Variants in ST3GAL3 observed in about 807,000 individuals in gnomAD.
ST3GAL3 encodes the protein ST3 beta-galactoside alpha-2,3-sialyltransferase 3.
Under a neutral mutation model 50.1 loss-of-function variants are expected in ST3GAL3, and 21 were observed. That is an observed-to-expected ratio of 0.42 (90% CI 0.30 to 0.60). The LOEUF (loss-of-function observed/expected upper bound fraction) is 0.60. Among genes scored for constraint, ST3GAL3 ranks in the 20% least tolerant of loss-of-function variants. The pLI is 0.19. For missense variants in ST3GAL3, 353 were observed against 489.4 expected (o/e 0.72, Z 2.63); for synonymous variants, 183 against 190.0 (o/e 0.96, Z 0.30).
chr1:43,841,359 C>G (rs1244033313), intron 5 of ST3GAL3: 1 of 152,282 alleles, frequency 6.6e-6, no homozygotes, highest in Admixed American at 6.5e-5. Context: ...CTGCAGCAGG[C>G]TTTTGCTTGG....
intron 2 of ST3GAL3, among the ~76,000 whole-genome samples, chr1:43,782,788 A>G (rs1354481213): frequency 6.6e-6 from 1 of 152,246 alleles, no homozygotes; most frequent in East Asian, 1.9e-4. Flanking sequence ...CAGTATGGCA[A>G]ATATGAACTT....
At chr1:43,877,707 G>A (rs2154253119) in intron 5 of ST3GAL3, among the ~76,000 whole-genome samples, 1 of 152,284 alleles carries the variant, frequency 6.6e-6, no homozygotes, top group Admixed American at 6.5e-5. Flanking sequence ...GAACCCTCCT[G>A]TAAACAGTCG....
intron 2 of ST3GAL3, among the ~76,000 whole-genome samples, chr1:43,791,769 CT>C (rs2058106630): frequency 6.6e-6 from 1 of 152,142 alleles, no homozygotes; most frequent in African/African-American, 2.4e-5. Flanking sequence ...CAGGAAGGAA[CT>C]TTTATTTTGC....
At chr1:43,851,533 A>C in intron 5 of ST3GAL3, 1 of 1,593,780 alleles carries the variant, frequency 6.3e-7, no homozygotes, top group Non-Finnish European at 8.6e-7. Flanking sequence ...TTGTTATTTA[A>C]GCAAGAGCCT....
At chr1:43,779,234 G>C (rs939065628) in intron 2 of ST3GAL3, among the ~76,000 whole-genome samples, 1 of 152,150 alleles carries the variant, frequency 6.6e-6, no homozygotes, top group Non-Finnish European at 1.5e-5. Context: ...GAGCCACTGC[G>C]CCCAGCTAGA....
At chr1:43,793,947 C>A (rs944645834) in intron 3 of ST3GAL3, among the ~76,000 whole-genome samples, 1 of 151,636 alleles carries the variant, frequency 6.6e-6, no homozygotes, top group Non-Finnish European at 1.5e-5. Flanking sequence ...AGTAAGGGCA[C>A]GGTGGCGTGT....
chr1:43,826,023 T>A (rs1198383733), intron 4 of ST3GAL3, among the ~76,000 whole-genome samples: 5 of 151,868 alleles, frequency 3.3e-5, no homozygotes, highest in Admixed American at 3.3e-4. Context: ...CCCAGCACTT[T>A]GGAAGGCTGA....
chr1:43,796,096 C>G (rs1266726876), intron 3 of ST3GAL3, among the ~76,000 whole-genome samples: 1 of 152,160 alleles, frequency 6.6e-6, no homozygotes, highest in African/African-American at 2.4e-5. Context: ...GGGAGAGTGC[C>G]AGCAGTAGGC....
intron 2 of ST3GAL3, among the ~76,000 whole-genome samples, chr1:43,744,271 A>G (rs1176515938): frequency 1.3e-5 from 2 of 151,784 alleles, no homozygotes; most frequent in African/African-American, 2.4e-5. Flanking sequence ...TTTTTTTTAG[A>G]CAGAATCTTG....
At chr1:43,816,347 T>A (rs1299607417) in intron 4 of ST3GAL3, among the ~76,000 whole-genome samples, 1 of 152,176 alleles carries the variant, frequency 6.6e-6, no homozygotes, top group Non-Finnish European at 1.5e-5. Context: ...TCCCAACTTT[T>A]ACACATTATG....
chr1:43,778,651 T>TC (rs1479607164), intron 2 of ST3GAL3, among the ~76,000 whole-genome samples: 8 of 142,714 alleles, frequency 5.6e-5, no homozygotes, highest in Non-Finnish European at 9.3e-5. Context: ...TTTCTTTTTT[T>TC]TTTTTTTTTT....
At chr1:43,809,380 G>C (rs1042540899) in intron 3 of ST3GAL3, among the ~76,000 whole-genome samples, 1 of 152,168 alleles carries the variant, frequency 6.6e-6, no homozygotes, top group African/African-American at 2.4e-5. Flanking sequence ...TGAACTAGAA[G>C]ATATAGCAAT....
chr1:43,930,281 C>A lies in ST3GAL3; in HGVS notation c.*60C>A. The A allele has an allele frequency of 6.6e-7, 1 of 1,513,640 alleles. No individual in the cohort carries two copies. The highest frequency in any genetic ancestry group is 9.2e-7 in the Non-Finnish European group (1 of 1,092,860). 93.8% of individuals were successfully genotyped at this position (1,513,640 alleles called of 1,614,324 possible). ...CCACCAGGAGCAGCAGCCAGCACCA[C>A]CTACACAGGAGTCTTCAGACCCAGA... is the stretch of plus-strand genomic sequence containing the variant. On this transcript the variant is annotated 3_prime_UTR_variant, in exon 12 of 12. Transcript: ENST00000347631.
intron 1 of ST3GAL3, among the ~76,000 whole-genome samples, chr1:43,725,192 T>G (rs1024984117): frequency 1.3e-5 from 2 of 152,132 alleles, no homozygotes; most frequent in African/African-American, 4.8e-5. Flanking sequence ...CATGCTTTTT[T>G]CTTTTTTCTT....
At chr1:43,787,530 C>A (rs2057496610) in intron 2 of ST3GAL3, among the ~76,000 whole-genome samples, 1 of 152,192 alleles carries the variant, frequency 6.6e-6, no homozygotes, top group African/African-American at 2.4e-5. Context: ...TAAAAACTTA[C>A]ACAAAACATG....
At chr1:43,736,453 C>T (rs368152566) in intron 2 of ST3GAL3, 73 bp downstream of exon 2, 26 of 1,613,366 alleles carry the variant, frequency 1.6e-5, no homozygotes, top group East Asian at 4.5e-5. Flanking sequence ...CGTGTGGCTG[C>T]GTCTCATATT....
At chr1:43,736,495 C>T (rs1361350056) in intron 2 of ST3GAL3, 115 bp downstream of exon 2, 1 of 1,589,788 alleles carries the variant, frequency 6.3e-7, no homozygotes. Flanking sequence ...GTAAACTGAA[C>T]ATTTCTGGGA....
intron 2 of ST3GAL3, among the ~76,000 whole-genome samples, chr1:43,773,970 T>C (rs1226048211): frequency 1.3e-5 from 2 of 152,130 alleles, no homozygotes; most frequent in East Asian, 3.8e-4. Flanking sequence ...ATGAATTCAA[T>C]ACACAGGACA....
At chr1:43,924,649 A>T (rs2083593959) in intron 11 of ST3GAL3, among the ~76,000 whole-genome samples, 1 of 152,152 alleles carries the variant, frequency 6.6e-6, no homozygotes, top group African/African-American at 2.4e-5. Context: ...TGGGCAAGAG[A>T]TGGTAACTCC....
Sources: gnomAD v4.1 joint callset for allele counts (sites outside exome capture counted in the v4.1 genomes callset) on GRCh38, gnomAD v4.1.1 for gene constraint, MANE v1.5 for transcripts, NCBI Gene and HGNC (gene_info 2026-07-23, HGNC 2026-07-21) for gene names.